NRXN3: variants seen among roughly 807,000 people sequenced by gnomAD.
The protein encoded by NRXN3 is neurexin III.
In NRXN3, 32 loss-of-function variants were observed where a neutral mutation model predicts 137.6. That is an observed-to-expected ratio of 0.23 (90% CI 0.18 to 0.31). NRXN3 has a LOEUF of 0.31. Ranked by LOEUF, NRXN3 falls within the 10% of genes least tolerant of loss-of-function variation. The pLI is 1.00. For missense variants in NRXN3, 1,574 were observed against 2,062.5 expected, an observed-to-expected ratio of 0.76 and a Z score of 4.59; for synonymous variants, 798 against 784.5, an observed-to-expected ratio of 1.02 and a Z score of -0.29.
At chr14:78,234,150 T>C (rs1291633452) in intron 1 of NRXN3, among the ~76,000 whole-genome samples, 1 of 152,194 alleles carries the variant, frequency 6.6e-6, no homozygotes, top group Non-Finnish European at 1.5e-5. Context: ...TCTGCCATGA[T>C]TGTGAGGCTT....
chr14:78,454,149 G>A (rs574939120), intron 4 of NRXN3, among the ~76,000 whole-genome samples: 1 of 152,278 alleles, frequency 6.6e-6, no homozygotes, highest in Admixed American at 6.5e-5. Context: ...TCTTAGATAA[G>A]ATCTTTGCTT....
At chr14:79,224,204 G>A (rs555282103) in intron 15 of NRXN3, among the ~76,000 whole-genome samples, 38 of 152,196 alleles carry the variant, frequency 2.5e-4, no homozygotes, top group African/African-American at 8.4e-4. Context: ...CCCAGAGATT[G>A]GGACTAGAAG....
At chr14:79,404,042 G>A (rs1599784240) in intron 15 of NRXN3, among the ~76,000 whole-genome samples, 1 of 152,114 alleles carries the variant, frequency 6.6e-6, no homozygotes, top group Non-Finnish European at 1.5e-5. Flanking sequence ...CCATAGGCAC[G>A]GACAAAGAGT....
At chr14:79,349,915 A>G (rs1449437560) in intron 15 of NRXN3, among the ~76,000 whole-genome samples, 1 of 152,132 alleles carries the variant, frequency 6.6e-6, no homozygotes, top group Non-Finnish European at 1.5e-5. Flanking sequence ...TTTTGCCAAC[A>G]CCTTGATTTT....
At chr14:79,840,707 T>C (rs1340308114) in intron 20 of NRXN3, among the ~76,000 whole-genome samples, 1 of 152,186 alleles carries the variant, frequency 6.6e-6, no homozygotes, top group Non-Finnish European at 1.5e-5. Flanking sequence ...GTAATTATAA[T>C]TATTGAGTAA....
intron 15 of NRXN3, among the ~76,000 whole-genome samples, chr14:78,999,745 G>T (rs558795104): frequency 5.9e-5 from 9 of 152,094 alleles, no homozygotes; most frequent in African/African-American, 2.2e-4. Context: ...GTTTTACAGC[G>T]GATCATGGTT....
Position 79,804,994 on chromosome 14 carries a change from G to T in NRXN3, c.4015-118G>T, listed in dbSNP as rs147854435. 1,022 of 684,658 alleles carry T rather than the reference G, an allele frequency of 1.5e-3. 3 individuals carry two copies. In the African/African-American group the frequency reaches 0.016, roughly 11 times the overall value. 42.4% of individuals were successfully genotyped at this position (684,658 alleles called of 1,614,324 possible). On this transcript the variant is annotated intron_variant, in intron 19 of 20. Transcript: ENST00000335750. ...GTATGCCCTCTCTAGAAAAATAATC[G>T]TAATGATGGGAGATGGGACACAGTG... is the stretch of plus-strand genomic sequence containing the variant.
chr14:79,844,957 G>T (rs533211239), intron 20 of NRXN3, among the ~76,000 whole-genome samples: 7 of 152,106 alleles, frequency 4.6e-5, no homozygotes, highest in Non-Finnish European at 1.0e-4. Flanking sequence ...ACTTTGATCA[G>T]TTATCTTAGC....
rs995459131 is a variant in NRXN3 at position 79,249,409 on chromosome 14, C to G, written c.3263-217812C>G. Reference sequence around the variant, plus strand: ...CACAAAATGGTTACATGAAGAGAAACTAATGAAGGGATTTATTTCCCAGGT... The same window carrying G: ...CACAAAATGGTTACATGAAGAGAAAGTAATGAAGGGATTTATTTCCCAGGT... On this transcript the variant is annotated intron_variant, in intron 15 of 20. Transcript: ENST00000335750. Among the ~76,000 whole-genome samples the G allele has an allele frequency of 1.1e-4, 17 of 152,176 alleles. 1 individual carries two copies. Among genetic ancestry groups the G allele is most frequent in the African/African-American group, 4.1e-4 (17 of 41,542 alleles).
At chr14:79,778,558 T>TTATTCACATTAAGTAATG (rs2099104599) in intron 19 of NRXN3, among the ~76,000 whole-genome samples, 1 of 152,222 alleles carries the variant, frequency 6.6e-6, no homozygotes. Context: ...TCAGTTTATT[T>TTATTCACATTAAGTAATG]TATTCACATT....
At chr14:79,082,792 TTA>T (rs1468084916) in intron 15 of NRXN3, among the ~76,000 whole-genome samples, 2 of 152,188 alleles carry the variant, frequency 1.3e-5, no homozygotes, top group Non-Finnish European at 2.9e-5. Flanking sequence ...ATAAAAAACT[TTA>T]AAAAATTCAG....
chr14:79,467,075 G>T, intron 15 of NRXN3, 146 bp from the exon 16 acceptor site: 1 of 627,746 alleles, frequency 1.6e-6, no homozygotes, highest in Non-Finnish European at 2.5e-6. Flanking sequence ...AGAAGCTTTG[G>T]GAGCCGTTCC....
chr14:78,660,536 G>T (rs1193259405), intron 6 of NRXN3, among the ~76,000 whole-genome samples: 1 of 152,072 alleles, frequency 6.6e-6, no homozygotes, highest in African/African-American at 2.4e-5. Flanking sequence ...ATGTTGTAGG[G>T]AAACAGCTCT....
chr14:78,772,200 C>T (rs770687121), intron 8 of NRXN3, among the ~76,000 whole-genome samples: 20 of 151,986 alleles, frequency 1.3e-4, no homozygotes, highest in South Asian at 4.2e-4. Flanking sequence ...TTTATTTTTA[C>T]GGTTAACTTC....
intron 19 of NRXN3, among the ~76,000 whole-genome samples, chr14:79,765,670 G>T (rs2099053467): frequency 6.6e-6 from 1 of 152,100 alleles, no homozygotes; most frequent in Non-Finnish European, 1.5e-5. Context: ...ATCACATAGT[G>T]CCAGGTAAAT....
intron 20 of NRXN3, among the ~76,000 whole-genome samples, chr14:79,815,917 T>G (rs1262871657): frequency 6.6e-6 from 1 of 152,188 alleles, no homozygotes; most frequent in African/African-American, 2.4e-5. Flanking sequence ...TTTAATTACC[T>G]GTTTTTAATA....
intron 10 of NRXN3, among the ~76,000 whole-genome samples, chr14:78,863,834 C>G (rs1363256706): frequency 6.6e-6 from 1 of 152,078 alleles, no homozygotes; most frequent in Non-Finnish European, 1.5e-5. Flanking sequence ...TCCCACTTCT[C>G]CTTCCTCCTC....
chr14:79,725,602 C>A (rs1232688565), intron 19 of NRXN3, among the ~76,000 whole-genome samples: 1 of 152,102 alleles, frequency 6.6e-6, no homozygotes, highest in East Asian at 1.9e-4. Flanking sequence ...ACACTGATTT[C>A]CCCATTGACT....
chr14:79,399,991 T>A (rs910439450), intron 15 of NRXN3, among the ~76,000 whole-genome samples: 1 of 152,202 alleles, frequency 6.6e-6, no homozygotes. Context: ...TGTGCATATG[T>A]GTGTGTGAGT....
Sources: gnomAD v4.1 joint callset for allele counts (sites outside exome capture counted in the v4.1 genomes callset) on GRCh38, gnomAD v4.1.1 for gene constraint, MANE v1.5 for transcripts, NCBI Gene and HGNC (gene_info 2026-07-23, HGNC 2026-07-21) for gene names.